Variants in MYH6 observed in about 807,000 individuals in gnomAD.
MYH6 encodes the protein myosin-6.
A neutral mutation model predicts 223.2 loss-of-function variants in MYH6; 126 were observed. That is an observed-to-expected ratio of 0.56 (90% CI 0.49 to 0.65). The LOEUF (loss-of-function observed/expected upper bound fraction) is 0.65. Among genes scored for constraint, MYH6 ranks in the 30% least tolerant of loss-of-function variants. MYH6 has a pLI of 0.00. For missense variants in MYH6, 2,040 were observed against 2,536.4 expected (o/e 0.80, Z 4.20); for synonymous variants, 978 against 1,010.2 (o/e 0.97, Z 0.61).
At position 23,405,560 on chromosome 14, in the gene MYH6, G is replaced by GC. The variant is rs1453083919; in HGVS notation, c.345+66dup. The GC allele has an allele frequency of 1.3e-5, 21 of 1,610,152 alleles. No individual in the cohort carries two copies. The South Asian group carries it at 1.5e-4, about 12-fold the overall frequency. ...AGTCTCTCCCCCTCTTCTTGGGAGA[G>GC]CCCCCCTGGCTTATTTAGGCCTCCA... On this transcript the variant is annotated intron_variant, in intron 4 of 38. Coordinates refer to ENST00000405093, the MANE Select transcript of MYH6 (RefSeq NM_002471.4). This position sits in a 1 kb window ranked among gnomAD's most constrained non-coding sequence, Gnocchi z 4.7.
intron 7 of MYH6, 111 bp downstream of exon 7, chr14:23,404,600 C>T (rs757929572): frequency 1.7e-6 from 2 of 1,188,394 alleles, no homozygotes; most frequent in Non-Finnish European, 2.5e-6. Flanking sequence ...ATCGGGAGCC[C>T]AGCTCAGTGT....
intron 3 of MYH6, among the ~76,000 whole-genome samples, chr14:23,406,770 G>T (rs1020153253): frequency 2.0e-5 from 3 of 152,140 alleles, no homozygotes; most frequent in African/African-American, 7.2e-5. Context: ...CCCCTCTTAG[G>T]CGAACACTGA....
Position 23,382,470 on chromosome 14 carries a change from C to G in MYH6, c.5754G>C (p.Gln1918His). Residue 1918 changes from glutamine to histidine, a missense_variant, in exon 38 of 39, where the codon CAG becomes CAC. Gln to His is a conservative substitution (Grantham distance 24, BLOSUM62 0). Coordinates refer to ENST00000405093, the MANE Select transcript of MYH6 (RefSeq NM_002471.4). ...GGCTCTTGGCTCGAAGCTTGTTGAC[C>G]TGGGACTCAGCGATGTCCGCCCGCT... Reference protein sequence around the residue: ...AEERADIAESQVNKLRAKSRD... With the variant: ...AEERADIAESHVNKLRAKSRD... 7 of 1,614,172 alleles carry G rather than the reference C, an allele frequency of 4.3e-6. No individual in the cohort carries two copies. Among genetic ancestry groups the G allele is most frequent in the Non-Finnish European group, 5.9e-6 (7 of 1,180,024 alleles).
chr14:23,386,539 C>A lies in MYH6; in HGVS notation c.4735G>T (p.Ala1579Ser), dbSNP rs1333346577. Residue 1579 changes from alanine to serine, a missense_variant, in exon 33 of 39, where the codon GCA becomes TCA. By Grantham distance (99) the Ala-to-Ser change is moderately conservative (BLOSUM62 1). Transcript: ENST00000405093. ...TGTTCCATCTCCTCGTCCTTCTCTG[C>A]CAGCTTCCGCTCGATCTCTGCCTTG... ...QIKAEIERKL[A>S]EKDEEMEQAK... 1 of 1,613,984 alleles carries A rather than the reference C, an allele frequency of 6.2e-7. No individual in the cohort carries two copies. The highest frequency in any genetic ancestry group is 8.5e-7 in the Non-Finnish European group (1 of 1,180,002).
In MYH6 at chr14:23,405,560, GC is replaced by G. The variant is rs1453083919; in HGVS notation, c.345+66del. The G allele has an allele frequency of 1.2e-6, 2 of 1,610,152 alleles. No individual in the cohort carries two copies. The highest frequency in any genetic ancestry group is 8.5e-7 in the Non-Finnish European group (1 of 1,177,774). ...AGTCTCTCCCCCTCTTCTTGGGAGA[GC>G]CCCCCTGGCTTATTTAGGCCTCCAC... On this transcript the variant is annotated intron_variant, in intron 4 of 38. Transcript: ENST00000405093. The surrounding 1 kb of genome is among the most constrained non-coding windows in gnomAD (Gnocchi z 4.7).
rs1891823246 is a variant in MYH6, at chr14:23,407,347, G to A, written c.-13-111C>T. 2 of 1,335,594 alleles carry A rather than the reference G, an allele frequency of 1.5e-6. No homozygotes were observed. The highest frequency in any genetic ancestry group is 1.2e-5 in the South Asian group (1 of 81,654). The allele number at this position is 1,335,594 out of a possible 1,614,324, so 82.7% of individuals were successfully genotyped here. Reference sequence around the variant, plus strand: ...ACCCCCGCTCCTCTCCTCCACCCTGGGAGAGGCACCTGCTGTTGCACCCTC... The same window carrying A: ...ACCCCCGCTCCTCTCCTCCACCCTGAGAGAGGCACCTGCTGTTGCACCCTC... On this transcript the variant is annotated intron_variant, in intron 2 of 38. Transcript: ENST00000405093. This position sits in a 1 kb window ranked among gnomAD's most constrained non-coding sequence, Gnocchi z 5.6.
Position 23,405,603 on chromosome 14 carries a change from C to G in MYH6, c.345+24G>C, listed in dbSNP as rs1366343851. On this transcript the variant is annotated intron_variant, in intron 4 of 38. Transcript: ENST00000405093. The surrounding 1 kb of genome is among the most constrained non-coding windows in gnomAD (Gnocchi z 4.7). ...GGCCTCCACGCAGCACAGGAAGCCTCTGCAGTGTGCAGGAGCCACTCACAT... is the reference window on the plus strand; with the variant it reads ...GGCCTCCACGCAGCACAGGAAGCCTGTGCAGTGTGCAGGAGCCACTCACAT... 1 of 1,614,152 alleles carries G rather than the reference C, an allele frequency of 6.2e-7. No homozygotes were observed. The highest frequency in any genetic ancestry group is 2.2e-5 in the East Asian group (1 of 44,886).
At chr14:23,406,894 C>T in intron 3 of MYH6, 129 bp downstream of exon 3, 3 of 1,034,388 alleles carry the variant, frequency 2.9e-6, no homozygotes, top group Admixed American at 1.7e-5. Flanking sequence ...CTCAAAGGAG[C>T]ATGTCCTGGC....
intron 36 of MYH6, 21 bp from the exon 37 acceptor site, chr14:23,383,341 G>GGGGGGGGGGGCCCCCCCCCC: frequency 1.8e-6 from 1 of 556,580 alleles, no homozygotes; most frequent in Non-Finnish European, 3.3e-6. Flanking sequence ...GAGGGTGGGA[G>GGGGGGGGGGGCCCCCCCCCC]AAGCTGGTTT....
At chr14:23,398,011 T>A (rs1367258796) in intron 15 of MYH6, among the ~76,000 whole-genome samples, 1 of 146,118 alleles carries the variant, frequency 6.8e-6, no homozygotes, top group Non-Finnish European at 1.5e-5. Flanking sequence ...TTCTTCTTCT[T>A]CTTCTTCTTC....
chr14:23,383,358 G>T, intron 36 of MYH6, 38 bp from the exon 37 acceptor site: 1 of 1,464,366 alleles, frequency 6.8e-7, no homozygotes, highest in South Asian at 1.2e-5. Context: ...GTTTGGAGGG[G>T]GAGCAAATGC....
rs190865351 is a variant in MYH6, at chr14:23,398,268, G to A, written c.1891+460C>T. ...CCTGACCTTGTGATCCACCCGCCTC[G>A]GCCTCCCAAAGTGCTGGGATTACAG... On this transcript the variant is annotated intron_variant, in intron 15 of 38. Transcript: ENST00000405093. Among the ~76,000 whole-genome samples the A allele has an allele frequency of 2.6e-4, 39 of 152,000 alleles. No individual in the cohort carries two copies. The East Asian group carries it at 6.6e-3, about 26-fold the overall frequency.
chr14:23,400,711 C>G lies in MYH6; in HGVS notation c.1408G>C (p.Asp470His), dbSNP rs777651128. 6.2e-7 allele frequency: 1 copy of G among 1,614,226 alleles called. No homozygotes were observed. The highest frequency in any genetic ancestry group is 1.7e-5 in the Admixed American group (1 of 60,022). ...VLDIAGFEIFDFNSFEQLCIN... is the reference protein window; with the variant it reads ...VLDIAGFEIFHFNSFEQLCIN... The stretch of plus-strand genomic sequence containing the variant: ...CACTCCCAGGGGTCCCAACTCACGT[C>G]GAAGATCTCGAAGCCAGCGATGTCC... The change falls in exon 13 of 39, where the codon GAC becomes CAC. Residue 470 changes from aspartate (D) to histidine (H), a missense_variant and splice_region_variant. By Grantham distance (81) the Asp-to-His change is moderately conservative (BLOSUM62 -1). Transcript: ENST00000405093.
chr14:23,385,322 C>T (rs187957822), intron 34 of MYH6, among the ~76,000 whole-genome samples: 2 of 151,604 alleles, frequency 1.3e-5, no homozygotes, highest in East Asian at 1.9e-4. Flanking sequence ...TACGTAGGAG[C>T]ATGACAATAT....
At chr14:23,383,341 G>GGGGGGCCCCCCCCCCCCCCCCCC in intron 36 of MYH6, 21 bp from the exon 37 acceptor site, 1 of 556,568 alleles carries the variant, frequency 1.8e-6, no homozygotes, top group Non-Finnish European at 3.3e-6. Context: ...GAGGGTGGGA[G>GGGGGGCCCCCCCCCCCCCCCCCC]AAGCTGGTTT....
chr14:23,394,366 G>C (rs761386679), intron 20 of MYH6, 43 bp from the exon 21 acceptor site: 2 of 1,612,734 alleles, frequency 1.2e-6, no homozygotes, highest in African/African-American at 2.7e-5. Flanking sequence ...CTATAAAAGA[G>C]AGCTTCCCAA....
rs535634126 is a variant in MYH6, at chr14:23,400,790, G to T, written c.1329C>A (p.Arg443=). 1 of 1,614,234 alleles carries T rather than the reference G, an allele frequency of 6.2e-7. No individual in the cohort carries two copies. Among genetic ancestry groups the T allele is most frequent in the East Asian group, 2.2e-5 (1 of 44,880 alleles). Reference sequence around the variant, plus strand: ...GCTTGGTCTCCAGGGTGGCGTTGATGCGCGTCACCATCCAGTTGAACATCT... The same window carrying T: ...GCTTGGTCTCCAGGGTGGCGTTGATTCGCGTCACCATCCAGTTGAACATCT... ...YEKMFNWMVT[R]INATLETKQP... is the part of the protein sequence containing the mutation. Residue 443 remains arginine (R), a synonymous_variant, in exon 13 of 39, where the codon CGC becomes CGA. Transcript: ENST00000405093.
rs763167861 is a variant in MYH6, at chr14:23,398,960, C to T, written c.1659G>A (p.Leu553=). 3.7e-6 allele frequency: 6 copies of T among 1,614,034 alleles called. No individual in the cohort carries two copies. In the African/African-American group the frequency reaches 8.0e-5, roughly 22 times the overall value. ...TGGACTTGCCCAGGTGGTTGTCGTA[C>T]AGCTTGGCCTTGAAGGTCATGTCAG... ...KATDMTFKAK[L]YDNHLGKSNN... The change falls in exon 15 of 39, where the codon CTG becomes CTA. Residue 553 remains leucine, a synonymous_variant. Coordinates refer to ENST00000405093, the MANE Select transcript of MYH6 (RefSeq NM_002471.4).
In MYH6 at chr14:23,386,641, GA is replaced by G; in HGVS notation, c.4651-19del. 1 of 1,542,770 alleles carries G rather than the reference GA, an allele frequency of 6.5e-7. No individual in the cohort carries two copies. The highest frequency in any genetic ancestry group is 8.9e-7 in the Non-Finnish European group (1 of 1,119,576). On this transcript the variant is annotated intron_variant, in intron 32 of 38. Coordinates refer to ENST00000405093, the MANE Select transcript of MYH6 (RefSeq NM_002471.4). ...AGGGAGGCCTGGGAAGGGGTGGGGC[GA>G]GGGCGGGCAGACAGGGCACAGGGCA...
Sources: allele counts gnomAD v4.1 joint callset (sites outside exome capture counted in the v4.1 genomes callset), GRCh38; gene constraint gnomAD v4.1.1; non-coding constraint Gnocchi (gnomAD v3.1); transcripts MANE v1.5; gene names NCBI Gene and HGNC (gene_info 2026-07-23, HGNC 2026-07-21).